Variants in TOP6BL observed in about 807,000 individuals in gnomAD.
TOP6BL encodes TOP6B like initiator of meiotic double strand breaks.
At chr11:66,783,764 TATATC>T in the TOP6BL span, among the ~76,000 whole-genome samples, 1 of 152,336 alleles carries the variant, frequency 6.6e-6, no homozygotes, top group East Asian at 1.9e-4. Flanking sequence ...ATAAAATTCA[TATATC>T]ATAAACACAA....
chr11:66,786,875 AAAAC>A, the TOP6BL span, among the ~76,000 whole-genome samples: 18 of 152,326 alleles, frequency 1.2e-4, no homozygotes, highest in Non-Finnish European at 2.2e-4. Context: ...TTAGGTTTGA[AAAAC>A]AAACTAATGG....
chr11:66,773,330 A>G, the TOP6BL span, among the ~76,000 whole-genome samples: 1 of 149,670 alleles, frequency 6.7e-6, no homozygotes. Context: ...CTGGGATTAT[A>G]GGCACGTACC....
At chr11:66,838,363 T>A in the TOP6BL span, 14 of 1,613,446 alleles carry the variant, frequency 8.7e-6, no homozygotes, top group South Asian at 1.3e-4. Flanking sequence ...CTAATTTTTT[T>A]AAGCAGCTAA....
chr11:66,814,867 A>G, the TOP6BL span, among the ~76,000 whole-genome samples: 1 of 152,138 alleles, frequency 6.6e-6, no homozygotes, highest in African/African-American at 2.4e-5. Flanking sequence ...CTCTAACCAC[A>G]CCAGCTTTGG....
the TOP6BL span, among the ~76,000 whole-genome samples, chr11:66,775,970 T>C: frequency 3.0e-4 from 46 of 152,290 alleles, no homozygotes; most frequent in African/African-American, 1.1e-3. Flanking sequence ...TTGGATAATT[T>C]ATCTGTGGAT....
chr11:66,826,981 C>CTT, the TOP6BL span, among the ~76,000 whole-genome samples: 1,189 of 94,998 alleles, frequency 0.013, 39 homozygotes, highest in African/African-American at 0.031. Flanking sequence ...CCACACCTGG[C>CTT]TTTTTTTTTT....
chr11:66,821,563 G>C, the TOP6BL span: 1 of 1,474,866 alleles, frequency 6.8e-7, no homozygotes, highest in Non-Finnish European at 9.2e-7. Context: ...GCCACATCTG[G>C]TAATTTAAGA....
At chr11:66,831,821 C>A in the TOP6BL span, among the ~76,000 whole-genome samples, 1 of 151,572 alleles carries the variant, frequency 6.6e-6, no homozygotes, top group Non-Finnish European at 1.5e-5. Flanking sequence ...TGGTGAAACC[C>A]CATCTCTACT....
At chr11:66,785,447 A>C in the TOP6BL span, among the ~76,000 whole-genome samples, 4 of 152,074 alleles carry the variant, frequency 2.6e-5, no homozygotes, top group Non-Finnish European at 5.9e-5. Context: ...TATCGTTTTC[A>C]TGGTATTAAT....
At chr11:66,807,810 C>T in the TOP6BL span, among the ~76,000 whole-genome samples, 1 of 152,156 alleles carries the variant, frequency 6.6e-6, no homozygotes, top group Non-Finnish European at 1.5e-5. Flanking sequence ...ACCTGCTGAG[C>T]TTGGGAGTGC....
the TOP6BL span, among the ~76,000 whole-genome samples, chr11:66,815,047 G>A: frequency 1.3e-5 from 2 of 152,302 alleles, no homozygotes; most frequent in Non-Finnish European, 2.9e-5. Flanking sequence ...TCCTGAAGAA[G>A]ACGACCAGTA....
chr11:66,761,479 T>C, the TOP6BL span: 1 of 436,346 alleles, frequency 2.3e-6, no homozygotes, highest in East Asian at 5.7e-5. Flanking sequence ...GATATTAGGA[T>C]GATAATCATT....
the TOP6BL span, among the ~76,000 whole-genome samples, chr11:66,747,189 A>C: frequency 6.6e-6 from 1 of 151,760 alleles, no homozygotes; most frequent in Non-Finnish European, 1.5e-5. Context: ...CACCGCCTCA[A>C]CCTCCCGAAG....
At chr11:66,773,502 C>T in the TOP6BL span, among the ~76,000 whole-genome samples, 1 of 152,092 alleles carries the variant, frequency 6.6e-6, no homozygotes. Context: ...TATCCTCTTT[C>T]TTACTCCCTG....
the TOP6BL span, among the ~76,000 whole-genome samples, chr11:66,824,667 A>G: frequency 7.7e-5 from 10 of 129,968 alleles, no homozygotes; most frequent in Admixed American, 4.0e-4. Context: ...TCATTGTTCA[A>G]TTCGCACTTA....
the TOP6BL span, chr11:66,828,833 C>T: frequency 6.3e-6 from 1 of 158,404 alleles, no homozygotes; most frequent in Non-Finnish European, 1.4e-5. Flanking sequence ...CTGCTAGGAT[C>T]TCCGTTCACT....
the TOP6BL span, chr11:66,756,395 C>T: frequency 3.0e-4 from 354 of 1,163,794 alleles, no homozygotes; most frequent in Non-Finnish European, 3.7e-4. Context: ...TGCAGTGGCG[C>T]AGTCTCGGCT....
chr11:66,799,471 C>T, the TOP6BL span, among the ~76,000 whole-genome samples: 1 of 151,550 alleles, frequency 6.6e-6, no homozygotes, highest in Non-Finnish European at 1.5e-5. Flanking sequence ...TTTGGGAAGC[C>T]GAGGTGGGTG....
At chr11:66,811,152 A>C in the TOP6BL span, among the ~76,000 whole-genome samples, 1 of 151,910 alleles carries the variant, frequency 6.6e-6, no homozygotes, top group South Asian at 2.1e-4. Context: ...ATATCTTGCT[A>C]TCATTTTCTA....
Sources: gnomAD v4.1 joint callset for allele counts (sites outside exome capture counted in the v4.1 genomes callset) on GRCh38, gnomAD v4.1.1 for gene constraint, MANE v1.5 for transcripts, NCBI Gene and HGNC (gene_info 2026-07-23, HGNC 2026-07-21) for gene names.